RFX3: variants seen among roughly 807,000 people sequenced by gnomAD.
The protein encoded by RFX3 is regulatory factor X3, also known as transcription factor RFX3.
RFX3 carries 14 observed loss-of-function variants against 98.6 expected under a neutral mutation model. That is an observed-to-expected ratio of 0.14 (90% CI 0.09 to 0.22). RFX3 has a LOEUF of 0.22. Ranked by LOEUF, RFX3 falls within the 10% of genes least tolerant of loss-of-function variation. The pLI, the probability that RFX3 is intolerant of heterozygous loss-of-function variation, is 1.00. For synonymous variants in RFX3, 383 were observed against 328.4 expected, an observed-to-expected ratio of 1.17 and a Z score of -1.80; for missense variants, 639 against 926.9, an observed-to-expected ratio of 0.69 and a Z score of 4.03.
chr9:3,470,284 A>G (rs1414769162), intron 1 of RFX3, among the ~76,000 whole-genome samples: 1 of 151,872 alleles, frequency 6.6e-6, no homozygotes, highest in Non-Finnish European at 1.5e-5. Flanking sequence ...ACTTTTCACA[A>G]CAAAGCCCAG....
At position 3,269,477 on chromosome 9, in the gene RFX3, T is replaced by C. The variant is rs1824090360; in HGVS notation, c.1357+894A>G. Among the ~76,000 whole-genome samples, 5 of 152,136 alleles carry C rather than the reference T, an allele frequency of 3.3e-5. No individual in the cohort carries two copies. The South Asian group carries it at 1.0e-3, about 31-fold the overall frequency. On this transcript the variant is annotated intron_variant, in intron 11 of 16. Coordinates refer to ENST00000617270, the MANE Select transcript of RFX3 (RefSeq NM_001282116.2). ...TATATGCTTGCTTTTACTTTATTGA[T>C]GTCAATGTAGAGTAGTAACTGTCTC... is the stretch of plus-strand genomic sequence containing the variant.
At chr9:3,396,151 T>G (rs552544030) in intron 1 of RFX3, among the ~76,000 whole-genome samples, 147 of 152,184 alleles carry the variant, frequency 9.7e-4, no homozygotes, top group Middle Eastern at 3.4e-3. Context: ...AACTCGTCAT[T>G]TAACATTAGG....
rs962950609 is a variant in RFX3, at chr9:3,341,840, C to G, written c.215+4827G>C. On this transcript the variant is annotated intron_variant, in intron 3 of 16. Transcript: ENST00000617270. ...CTATACCAGTCAGAATGTGTACATA[C>G]GTAGAAGCATAAATGAAGAAAGCAC... Among the ~76,000 whole-genome samples the G allele has an allele frequency of 7.2e-5, 11 of 152,264 alleles. No individual in the cohort carries two copies. The East Asian group carries it at 2.1e-3, about 29-fold the overall frequency.
chr9:3,284,936 T>C (rs1316481036), intron 7 of RFX3, among the ~76,000 whole-genome samples: 3 of 151,770 alleles, frequency 2.0e-5, no homozygotes, highest in South Asian at 2.1e-4. Context: ...ATTGGATTTA[T>C]AGATAAATGG....
intron 1 of RFX3, among the ~76,000 whole-genome samples, chr9:3,478,415 T>G (rs1849458337): frequency 6.6e-6 from 1 of 151,804 alleles, no homozygotes; most frequent in Non-Finnish European, 1.5e-5. Flanking sequence ...AGAACTTTTT[T>G]TTTTTTTTTT....
intron 1 of RFX3, among the ~76,000 whole-genome samples, chr9:3,467,324 G>C (rs183236493): frequency 6.8e-6 from 1 of 147,778 alleles, no homozygotes; most frequent in African/African-American, 2.5e-5. Context: ...ATGTGTGTGT[G>C]TATGTACGTG....
In RFX3 at chr9:3,346,780, T is replaced by G. The variant is rs1020647000; in HGVS notation, c.118-16A>C. The G allele has an allele frequency of 3.5e-5, 54 of 1,551,144 alleles. No individual in the cohort carries two copies. The highest frequency in any genetic ancestry group is 4.7e-5 in the Non-Finnish European group (53 of 1,122,898). ...CCTGCTGTACCTGAAAAACAAGTATTAGGACCTTGGTAAGAGGTAGGTATG... is the reference window on the plus strand; with the variant it reads ...CCTGCTGTACCTGAAAAACAAGTATGAGGACCTTGGTAAGAGGTAGGTATG... On this transcript the variant is annotated splice_polypyrimidine_tract_variant and intron_variant, in intron 2 of 16. Transcript: ENST00000617270.
chr9:3,272,596 T>C lies in RFX3; in HGVS notation c.1087-1478A>G, dbSNP rs534963006. Among the ~76,000 whole-genome samples the C allele has an allele frequency of 2.0e-5, 3 of 152,252 alleles. No individual in the cohort carries two copies. The South Asian group carries it at 6.2e-4, about 32-fold the overall frequency. ...TAGATGTCCCTCATCCCAGCAAAGA[T>C]CAAAATCTTCTCCAGCAGCAAATTT... On this transcript the variant is annotated intron_variant, in intron 9 of 16. Coordinates refer to ENST00000617270, the MANE Select transcript of RFX3 (RefSeq NM_001282116.2).
intron 15 of RFX3, 51 bp from the exon 16 acceptor site, chr9:3,228,940 T>A (rs763375079): frequency 5.6e-5 from 83 of 1,491,736 alleles, no homozygotes; most frequent in Non-Finnish European, 7.3e-5. Flanking sequence ...CAGAATAAAA[T>A]AATACTCTAT....
At chr9:3,424,374 T>TGG (rs1564082792) in intron 1 of RFX3, among the ~76,000 whole-genome samples, 2 of 119,434 alleles carry the variant, frequency 1.7e-5, no homozygotes, top group African/African-American at 3.1e-5. Context: ...TTTTTTTTTT[T>TGG]TTTTTGAGAC....
At chr9:3,399,971 C>T (rs551334144) in intron 1 of RFX3, among the ~76,000 whole-genome samples, 2 of 151,202 alleles carry the variant, frequency 1.3e-5, no homozygotes, top group Non-Finnish European at 2.9e-5. Flanking sequence ...AAGAAAATTG[C>T]TTTTTGGGTT....
rs941969562 is a variant in RFX3, at chr9:3,277,409, C to T, written c.904G>A (p.Gly302Ser). Reference protein sequence around the residue: ...DGVADGFTGSGQQTGTSVEQT... With the variant: ...DGVADGFTGSSQQTGTSVEQT... ...TCAACAGATGTGCCTGTCTGTTGAC[C>T]ACTTCCTGTGAAACCATCTGCAACC... is the stretch of plus-strand genomic sequence containing the variant. The change falls in exon 8 of 17, where the codon GGT becomes AGT. Residue 302 changes from glycine (G) to serine (S), a missense_variant. Around this residue, in one of 9 missense-constraint regions of RFX3, gnomAD observed 86 missense variants for 113.2 expected, o/e 0.76. Transcript: ENST00000617270. 1.1e-5 allele frequency: 17 copies of T among 1,612,500 alleles called. No individual in the cohort carries two copies. The highest frequency in any genetic ancestry group is 1.4e-5 in the Non-Finnish European group (17 of 1,178,932).
intron 15 of RFX3, among the ~76,000 whole-genome samples, chr9:3,240,222 A>G (rs1041891973): frequency 6.6e-6 from 1 of 152,210 alleles, no homozygotes; most frequent in Non-Finnish European, 1.5e-5. Context: ...GGTGGATAGA[A>G]CAGATTTTAT....
chr9:3,469,607 C>A (rs939105125), intron 1 of RFX3, among the ~76,000 whole-genome samples: 1 of 152,074 alleles, frequency 6.6e-6, no homozygotes, highest in East Asian at 1.9e-4. Context: ...TGGAACAGCT[C>A]TTCTCATGGG....
In RFX3 at chr9:3,450,738, T is replaced by A. The variant is rs547089744; in HGVS notation, c.-8-55142A>T. Among the ~76,000 whole-genome samples, 20 of 151,914 alleles carry A rather than the reference T, an allele frequency of 1.3e-4. 1 individual carries two copies. In the South Asian group the frequency reaches 3.7e-3, roughly 28 times the overall value. On this transcript the variant is annotated intron_variant, in intron 1 of 16. Coordinates refer to ENST00000617270, the MANE Select transcript of RFX3 (RefSeq NM_001282116.2). ...ACAAAAAAAATCAAATCAAGTGATA[T>A]CATTACAGAATTTTTTTAAAAAAGT...
chr9:3,403,409 T>C (rs1347814044), intron 1 of RFX3, among the ~76,000 whole-genome samples: 1 of 152,144 alleles, frequency 6.6e-6, no homozygotes, highest in Non-Finnish European at 1.5e-5. Context: ...ACAATAAATC[T>C]TTGTACTAAA....
intron 1 of RFX3, among the ~76,000 whole-genome samples, chr9:3,482,655 C>G (rs1849878678): frequency 6.6e-6 from 1 of 152,052 alleles, no homozygotes; most frequent in African/African-American, 2.4e-5. Flanking sequence ...ATTCCTTTTT[C>G]AAACGATGGA....
chr9:3,475,935 G>C (rs1849208361), intron 1 of RFX3, among the ~76,000 whole-genome samples: 1 of 152,134 alleles, frequency 6.6e-6, no homozygotes, highest in African/African-American at 2.4e-5. Flanking sequence ...CAGTCTGCTT[G>C]GCAACAGGCA....
chr9:3,448,825 C>G (rs961732915), intron 1 of RFX3, among the ~76,000 whole-genome samples: 17 of 152,096 alleles, frequency 1.1e-4, no homozygotes, highest in Non-Finnish European at 7.4e-5. Flanking sequence ...CAGCCATAAC[C>G]CACATTTTTA....
Sources: allele counts gnomAD v4.1 joint callset (sites outside exome capture counted in the v4.1 genomes callset), GRCh38; gene constraint gnomAD v4.1.1; regional missense constraint gnomAD v4.1.1; transcripts MANE v1.5; gene names NCBI Gene and HGNC (gene_info 2026-07-23, HGNC 2026-07-21).